The following ERAP1 variants were observed in gnomAD, a reference collection of about 807,000 sequenced individuals.
The protein encoded by ERAP1 is endoplasmic reticulum aminopeptidase 1, also known as adipocyte-derived leucine aminopeptidase.
ERAP1 carries 86 observed loss-of-function variants against 103.7 expected under a neutral mutation model. That is an observed-to-expected ratio of 0.83 (90% confidence interval 0.70 to 0.99). The LOEUF (loss-of-function observed/expected upper bound fraction) is 0.99, where lower values mean the gene tolerates loss of function less well. ERAP1 is among the 50% of genes least tolerant of loss of function. ERAP1 has a pLI of 0.00. For synonymous variants in ERAP1, 398 were observed against 402.4 expected, an observed-to-expected ratio of 0.99 and a Z score of 0.13; for missense variants, 1,009 against 1,128.4, an observed-to-expected ratio of 0.89 and a Z score of 1.52.
chr5:96,890,657 A>G, the ERAP1 span, among the ~76,000 whole-genome samples: 3 of 152,162 alleles, frequency 2.0e-5, no homozygotes, highest in South Asian at 2.1e-4. Flanking sequence ...CTCAACTCCA[A>G]TGCATTTTCC....
At chr5:96,916,122 G>A in the ERAP1 span, among the ~76,000 whole-genome samples, 4 of 152,178 alleles carry the variant, frequency 2.6e-5, no homozygotes, top group African/African-American at 9.6e-5. Context: ...TTGGGAGGCT[G>A]AGGCAGAAGA....
the ERAP1 span, among the ~76,000 whole-genome samples, chr5:96,839,441 G>A: frequency 6.6e-6 from 1 of 152,120 alleles, no homozygotes; most frequent in African/African-American, 2.4e-5. Flanking sequence ...GTGGCCCAAG[G>A]GGCCCACTGT....
chr5:96,760,919 C>T (rs1767716187), exon 20 of ERAP1: 1 of 151,888 alleles, frequency 6.6e-6, no homozygotes, highest in South Asian at 2.1e-4. Context: ...TGAAAAAGTA[C>T]TAAAAAGCAT....
the ERAP1 span, chr5:96,883,837 T>C: frequency 1.2e-6 from 2 of 1,613,676 alleles, no homozygotes; most frequent in Non-Finnish European, 8.5e-7. Context: ...CACGCATGGC[T>C]TTCCCTTGCT....
intron 13 of ERAP1, among the ~76,000 whole-genome samples, chr5:96,784,494 TAAAC>T (rs61529973): frequency 0.7 from 106,663 of 151,752 alleles, 37,717 homozygotes; most frequent in Non-Finnish European, 0.72. Context: ...AAAAAATAAA[TAAAC>T]AAACAGATAG....
chr5:96,811,022 C>T (rs1215644087), upstream of ERAP1, among the ~76,000 whole-genome samples: 1 of 152,172 alleles, frequency 6.6e-6, no homozygotes, highest in African/African-American at 2.4e-5. Context: ...CCACTGCTAT[C>T]CGGCCCTTCC....
At chr5:96,891,412 C>T in the ERAP1 span, among the ~76,000 whole-genome samples, 4 of 147,792 alleles carry the variant, frequency 2.7e-5, no homozygotes, top group Non-Finnish European at 4.5e-5. Flanking sequence ...CACACATATA[C>T]ATATACACAC....
the ERAP1 span, among the ~76,000 whole-genome samples, chr5:96,852,461 C>T: frequency 6.6e-6 from 1 of 152,142 alleles, no homozygotes; most frequent in Non-Finnish European, 1.5e-5. Flanking sequence ...AATTTTTACA[C>T]ATCTAGGTTT....
At chr5:96,901,592 AC>A in the ERAP1 span, 1 of 1,614,128 alleles carries the variant, frequency 6.2e-7, no homozygotes. Flanking sequence ...TGGTGGTTAA[AC>A]AAGACGGGTG....
intron 13 of ERAP1, 98 bp from the exon 14 acceptor site, chr5:96,784,178 T>A: frequency 7.6e-7 from 1 of 1,317,310 alleles, no homozygotes; most frequent in South Asian, 1.2e-5. Flanking sequence ...AAACAAGCAA[T>A]CAGATATAAA....
At chr5:96,832,776 C>T in the ERAP1 span, among the ~76,000 whole-genome samples, 5 of 152,150 alleles carry the variant, frequency 3.3e-5, no homozygotes, top group East Asian at 1.9e-4. Context: ...TCGATTTTAT[C>T]GATGTTCTTC....
At chr5:96,874,174 G>GAAAGAAAGAAAGAAAGAA in the ERAP1 span, among the ~76,000 whole-genome samples, 3 of 91,724 alleles carry the variant, frequency 3.3e-5, no homozygotes, top group Non-Finnish European at 2.3e-5. Flanking sequence ...AAGAAAGAAA[G>GAAAGAAAGAAAGAAAGAA]AAAGAAAGAG....
chr5:96,862,703 G>A, the ERAP1 span, among the ~76,000 whole-genome samples: 1 of 152,074 alleles, frequency 6.6e-6, no homozygotes, highest in Non-Finnish European at 1.5e-5. Flanking sequence ...TTTCTTGATG[G>A]CAACAGGGTA....
chr5:96,925,945 C>T, the ERAP1 span, among the ~76,000 whole-genome samples: 6 of 131,440 alleles, frequency 4.6e-5, no homozygotes, highest in South Asian at 2.4e-4. Context: ...GACGGAGTCT[C>T]GCTCTGTCGC....
chr5:96,846,402 C>T, the ERAP1 span, among the ~76,000 whole-genome samples: 1 of 152,148 alleles, frequency 6.6e-6, no homozygotes, highest in African/African-American at 2.4e-5. Flanking sequence ...ATCCTGATTC[C>T]CTAGCCCACA....
Position 96,774,935 on chromosome 5 carries a change from TC to T in ERAP1, c.*1460del. The T allele has an allele frequency of 1.0e-6, 1 of 985,022 alleles. No homozygotes were observed. Among genetic ancestry groups the T allele is most frequent in the Non-Finnish European group, 1.2e-6 (1 of 829,678 alleles). 61.0% of individuals were successfully genotyped at this position (985,022 alleles called of 1,614,324 possible). On this transcript the variant is annotated 3_prime_UTR_variant, in exon 19 of 19. Transcript: ENST00000443439. ...TTTTCGTACCAATCATCAATCATAT[TC>T]CCTTATCTTGAAGTTTTTGCCTTAT...
At chr5:96,786,780 C>A in intron 11 of ERAP1, 1 of 500,156 alleles carries the variant, frequency 2.0e-6, no homozygotes, top group Non-Finnish European at 3.6e-6. Flanking sequence ...AATTTGGACT[C>A]ACGTGAACCC....
chr5:96,857,171 T>C, the ERAP1 span, among the ~76,000 whole-genome samples: 1 of 152,262 alleles, frequency 6.6e-6, no homozygotes, highest in Non-Finnish European at 1.5e-5. Flanking sequence ...GCTTCTCATC[T>C]TTCAGGACTC....
chr5:96,910,591 T>G, the ERAP1 span, among the ~76,000 whole-genome samples: 1 of 152,350 alleles, frequency 6.6e-6, no homozygotes, highest in African/African-American at 2.4e-5. Flanking sequence ...TTATTTCATC[T>G]TTATGCTAGT....
Sources: allele counts gnomAD v4.1 joint callset (sites outside exome capture counted in the v4.1 genomes callset), GRCh38; gene constraint gnomAD v4.1.1; transcripts MANE v1.5; gene names NCBI Gene and HGNC (gene_info 2026-07-23, HGNC 2026-07-21).